The following FGFR2 variants were observed in gnomAD, a reference collection of about 807,000 sequenced individuals.
The protein encoded by FGFR2 is fibroblast growth factor receptor 2, also known as BEK fibroblast growth factor receptor.
A neutral mutation model predicts 95.9 loss-of-function variants in FGFR2; 19 were observed. The ratio of observed to expected loss-of-function variants is 0.20; its 90% CI spans 0.14 to 0.29. FGFR2 has a LOEUF of 0.29. Among genes scored for constraint, FGFR2 ranks in the 10% least tolerant of loss-of-function variants. FGFR2 has a pLI of 1.00. For synonymous variants in FGFR2, 392 were observed against 393.3 expected, an observed-to-expected ratio of 1.00 and a Z score of 0.04; for missense variants, 707 against 1,056.9, an observed-to-expected ratio of 0.67 and a Z score of 4.59.
At chr10:121,509,493 TTTTTTTTTTTTTTTTTG>T (rs1564899256) in intron 9 of FGFR2, among the ~76,000 whole-genome samples, 1 of 107,526 alleles carries the variant, frequency 9.3e-6, no homozygotes, top group Non-Finnish European at 1.9e-5. Flanking sequence ...TTTTTTTTTT[TTTTTTTTTTTTTTTTTG>T]GTTTGAGACA....
chr10:121,595,375 T>C (rs1329576806), intron 1 of FGFR2, among the ~76,000 whole-genome samples: 1 of 152,192 alleles, frequency 6.6e-6, no homozygotes. Flanking sequence ...GCTTCAAAGA[T>C]AGCACAGGTG....
chr10:121,545,853 G>T (rs1157733018), intron 5 of FGFR2, among the ~76,000 whole-genome samples: 1 of 152,070 alleles, frequency 6.6e-6, no homozygotes, highest in Non-Finnish European at 1.5e-5. Flanking sequence ...AATATACTTG[G>T]TTCATGCTCA....
intron 15 of FGFR2, among the ~76,000 whole-genome samples, chr10:121,486,900 T>A (rs1449964170): frequency 6.6e-6 from 1 of 152,136 alleles, no homozygotes; most frequent in South Asian, 2.1e-4. Context: ...ACATAGAGAG[T>A]AGACCCTGTG....
rs139399939 is a variant in FGFR2 at position 121,513,153 on chromosome 10, C to T, written c.1287+1964G>A. ...CCTCCCAAAGTGCTGGGATTACAGG[C>T]GTGAGCCACCACGCCCGGCCAGGCT... On this transcript the variant is annotated intron_variant, in intron 9 of 17. Coordinates refer to ENST00000358487, the MANE Select transcript of FGFR2 (RefSeq NM_000141.5). 1.9e-3 allele frequency among the ~76,000 whole-genome samples: 292 copies of T among 152,272 alleles called. 7 individuals carry two copies. The East Asian group carries it at 0.049, about 25-fold the overall frequency.
In FGFR2 at chr10:121,567,527, G is replaced by A. The variant is rs74721665; in HGVS notation, c.110-1823C>T. 3.7e-3 allele frequency among the ~76,000 whole-genome samples: 558 copies of A among 152,356 alleles called. 9 individuals carry two copies. In the East Asian group the frequency reaches 0.062, roughly 17 times the overall value. Reference sequence around the variant, plus strand: ...GAAGCTCCGCAGCAAGAGGAGACAAGATAAAGACCCTGCACTTGTGGAGCG... The same window carrying A: ...GAAGCTCCGCAGCAAGAGGAGACAAAATAAAGACCCTGCACTTGTGGAGCG... On this transcript the variant is annotated intron_variant, in intron 2 of 17. Coordinates refer to ENST00000358487, the MANE Select transcript of FGFR2 (RefSeq NM_000141.5).
At chr10:121,482,021 T>A in intron 17 of FGFR2, 1 of 589,208 alleles carries the variant, frequency 1.7e-6, no homozygotes, top group Non-Finnish European at 3.0e-6. Context: ...GTATCTTTAG[T>A]AGAGACAGGG....
chr10:121,544,363 G>C (rs539218992), intron 5 of FGFR2, among the ~76,000 whole-genome samples: 2 of 150,758 alleles, frequency 1.3e-5, no homozygotes, highest in Admixed American at 1.3e-4. Context: ...AAAATCGCTC[G>C]AACCTGGGAG....
intron 2 of FGFR2, among the ~76,000 whole-genome samples, chr10:121,575,566 G>A (rs1859587075): frequency 6.6e-6 from 1 of 152,096 alleles, no homozygotes; most frequent in South Asian, 2.1e-4. Context: ...CTTCAAAATT[G>A]AGTCCTGGCC....
intron 2 of FGFR2, among the ~76,000 whole-genome samples, chr10:121,587,849 G>A (rs1402380710): frequency 6.6e-6 from 1 of 152,182 alleles, no homozygotes; most frequent in Non-Finnish European, 1.5e-5. Context: ...ACTCAAAGAG[G>A]TAAAAGCAGA....
intron 13 of FGFR2, among the ~76,000 whole-genome samples, chr10:121,491,895 A>T (rs1846187179): frequency 6.9e-6 from 1 of 145,496 alleles, no homozygotes; most frequent in African/African-American, 2.5e-5. Flanking sequence ...AAAACTGCTC[A>T]GGGCCAGGCG....
chr10:121,481,283 CAT>C (rs541152523), intron 17 of FGFR2, among the ~76,000 whole-genome samples: 6 of 152,124 alleles, frequency 3.9e-5, no homozygotes, highest in Non-Finnish European at 8.8e-5. Context: ...TATTCTATGA[CAT>C]GTGGTTTTGC....
intron 5 of FGFR2, among the ~76,000 whole-genome samples, chr10:121,538,938 AG>A: frequency 6.6e-6 from 1 of 152,352 alleles, no homozygotes; most frequent in Admixed American, 6.5e-5. Context: ...TCAGATCTGC[AG>A]GAGTATTCGG....
intron 9 of FGFR2, among the ~76,000 whole-genome samples, chr10:121,510,691 T>C (rs988560822): frequency 6.6e-6 from 1 of 152,146 alleles, no homozygotes; most frequent in African/African-American, 2.4e-5. Flanking sequence ...CTCCTCCCCC[T>C]TCATCTTGGT....
chr10:121,519,915 C>A (rs763827413), intron 7 of FGFR2, 64 bp downstream of exon 7: 1 of 1,514,438 alleles, frequency 6.6e-7, no homozygotes, highest in Non-Finnish European at 9.2e-7. Context: ...AATCAAAGAA[C>A]CTGTGGCCAA....
At chr10:121,509,715 T>C (rs1306840829) in intron 9 of FGFR2, among the ~76,000 whole-genome samples, 1 of 151,922 alleles carries the variant, frequency 6.6e-6, no homozygotes, top group Non-Finnish European at 1.5e-5. Flanking sequence ...ACTCCTGACC[T>C]CAGGTGATCC....
chr10:121,538,864 T>A (rs78984441), intron 5 of FGFR2, 149 bp from the exon 6 acceptor site: 459 of 1,009,964 alleles, frequency 4.5e-4, no homozygotes, highest in Non-Finnish European at 6.2e-4. Context: ...TCATTAAGAA[T>A]CGTGAGAAAT....
intron 11 of FGFR2, 117 bp from the exon 12 acceptor site, chr10:121,498,722 A>G (rs766165747): frequency 4.5e-6 from 4 of 895,318 alleles, no homozygotes; most frequent in South Asian, 1.4e-5. Flanking sequence ...GAATCAGAAA[A>G]GATTTTCCAA....
chr10:121,501,083 TTAGGG>T (rs1847548767), intron 10 of FGFR2, 136 bp from the exon 11 acceptor site: 1 of 1,236,148 alleles, frequency 8.1e-7, no homozygotes, highest in Non-Finnish European at 1.1e-6. Flanking sequence ...CTAATGAGAC[TTAGGG>T]TACACACGCG....
At chr10:121,489,978 C>A (rs1845915012) in intron 13 of FGFR2, among the ~76,000 whole-genome samples, 1 of 152,266 alleles carries the variant, frequency 6.6e-6, no homozygotes, top group African/African-American at 2.4e-5. Flanking sequence ...ATGGCCAATG[C>A]CCGTCTATCC....
Sources: gnomAD v4.1 joint callset for allele counts (sites outside exome capture counted in the v4.1 genomes callset) on GRCh38, gnomAD v4.1.1 for gene constraint, MANE v1.5 for transcripts, NCBI Gene and HGNC (gene_info 2026-07-23, HGNC 2026-07-21) for gene names.